Variants in ARHGAP24 observed in about 807,000 individuals in gnomAD.
The protein encoded by ARHGAP24 is Rho GTPase activating protein 24.
Under a neutral mutation model 76.4 loss-of-function variants are expected in ARHGAP24, and 50 were observed. That is an observed-to-expected ratio of 0.65 (90% CI 0.52 to 0.83). The LOEUF is 0.83. ARHGAP24 is among the 40% of genes least tolerant of loss of function. The pLI is 0.00. For synonymous variants in ARHGAP24, 345 were observed against 323.3 expected, an observed-to-expected ratio of 1.07 and a Z score of -0.72; for missense variants, 930 against 914.2, an observed-to-expected ratio of 1.02 and a Z score of -0.22.
chr4:85,818,084 C>T (rs182525384), intron 3 of ARHGAP24, among the ~76,000 whole-genome samples: 292 of 152,240 alleles, frequency 1.9e-3, no homozygotes, highest in Non-Finnish European at 3.6e-3. Context: ...CAAGAAGTTG[C>T]AACTTTGGCA....
At chr4:85,957,982 C>T (rs1738022188) in intron 5 of ARHGAP24, among the ~76,000 whole-genome samples, 1 of 152,174 alleles carries the variant, frequency 6.6e-6, no homozygotes, top group South Asian at 2.1e-4. Context: ...TGGCTCACTT[C>T]CACTGAAACC....
At chr4:85,834,920 T>A (rs1445474583) in intron 3 of ARHGAP24, among the ~76,000 whole-genome samples, 1 of 152,180 alleles carries the variant, frequency 6.6e-6, no homozygotes, top group Non-Finnish European at 1.5e-5. Flanking sequence ...TAAAGAATAC[T>A]GAGAGTATAA....
At chr4:85,830,888 C>T (rs1197382843) in intron 3 of ARHGAP24, among the ~76,000 whole-genome samples, 3 of 152,062 alleles carry the variant, frequency 2.0e-5, no homozygotes, top group Non-Finnish European at 4.4e-5. Context: ...CCGTTGGAAA[C>T]AGGGAGTATA....
intron 2 of ARHGAP24, among the ~76,000 whole-genome samples, chr4:85,660,361 G>T (rs1450131257): frequency 1.3e-5 from 2 of 152,046 alleles, no homozygotes; most frequent in Admixed American, 1.3e-4. Context: ...TTTAAAAGTA[G>T]CTTTAAAATG....
At chr4:85,724,263 G>A (rs1725071277) in intron 3 of ARHGAP24, among the ~76,000 whole-genome samples, 5 of 152,000 alleles carry the variant, frequency 3.3e-5, no homozygotes, top group Admixed American at 1.3e-4. Context: ...CTATCTTTAC[G>A]GATAGCTAAC....
chr4:85,977,180 G>A (rs759586184), intron 7 of ARHGAP24, among the ~76,000 whole-genome samples: 3 of 152,170 alleles, frequency 2.0e-5, no homozygotes, highest in Non-Finnish European at 2.9e-5. Context: ...TCTAAAGAAG[G>A]CATCCTACCA....
At chr4:85,904,471 A>G (rs1734668192) in intron 3 of ARHGAP24, among the ~76,000 whole-genome samples, 1 of 152,234 alleles carries the variant, frequency 6.6e-6, no homozygotes, top group Non-Finnish European at 1.5e-5. Flanking sequence ...ATTGCAATTC[A>G]GCATGTGATC....
intron 6 of ARHGAP24, among the ~76,000 whole-genome samples, chr4:85,974,647 A>G (rs537542236): frequency 2.0e-5 from 3 of 152,220 alleles, no homozygotes; most frequent in Non-Finnish European, 4.4e-5. Context: ...TAAAAATGAT[A>G]ACAGCTTCAC....
At chr4:85,950,084 A>C (rs1306757875) in intron 5 of ARHGAP24, among the ~76,000 whole-genome samples, 1 of 152,198 alleles carries the variant, frequency 6.6e-6, no homozygotes, top group Non-Finnish European at 1.5e-5. Context: ...GAATGACAAG[A>C]GGCCTGTTAC....
chr4:85,562,214 A>G (rs1354524666), intron 1 of ARHGAP24, among the ~76,000 whole-genome samples: 1 of 152,242 alleles, frequency 6.6e-6, no homozygotes, highest in African/African-American at 2.4e-5. Flanking sequence ...AATGCTATGG[A>G]AAGAATCCAT....
chr4:85,994,331 C>T (rs1279453816), intron 8 of ARHGAP24, among the ~76,000 whole-genome samples: 1 of 152,068 alleles, frequency 6.6e-6, no homozygotes, highest in Non-Finnish European at 1.5e-5. Context: ...GTGATAATAA[C>T]AGTATGTATG....
intron 3 of ARHGAP24, among the ~76,000 whole-genome samples, chr4:85,915,474 G>T (rs1443787596): frequency 6.6e-6 from 1 of 152,146 alleles, no homozygotes; most frequent in Admixed American, 6.5e-5. Flanking sequence ...GGAATGTGCA[G>T]GTTTGTTACA....
chr4:85,721,498 G>A (rs974214242), intron 2 of ARHGAP24, among the ~76,000 whole-genome samples: 2 of 152,018 alleles, frequency 1.3e-5, no homozygotes, highest in African/African-American at 2.4e-5. Context: ...CTATGTCTAA[G>A]TCTACCTTGT....
At chr4:85,641,622 C>G (rs1721525678) in intron 2 of ARHGAP24, among the ~76,000 whole-genome samples, 1 of 152,190 alleles carries the variant, frequency 6.6e-6, no homozygotes, top group African/African-American at 2.4e-5. Flanking sequence ...CTTGCAATAC[C>G]TCAATCCATT....
intron 2 of ARHGAP24, among the ~76,000 whole-genome samples, chr4:85,664,326 T>C (rs1722523600): frequency 6.6e-6 from 1 of 151,092 alleles, no homozygotes; most frequent in South Asian, 2.1e-4. Flanking sequence ...TCTCTGATGA[T>C]AGTTTGTATT....
intron 4 of ARHGAP24, among the ~76,000 whole-genome samples, chr4:85,932,242 A>G (rs1345376512): frequency 1.3e-5 from 2 of 149,782 alleles, no homozygotes; most frequent in East Asian, 2.0e-4. Flanking sequence ...GGATTGCATC[A>G]TTGGTAGAGA....
intron 3 of ARHGAP24, among the ~76,000 whole-genome samples, chr4:85,808,426 T>C (rs1728881064): frequency 6.6e-6 from 1 of 152,264 alleles, no homozygotes; most frequent in African/African-American, 2.4e-5. Flanking sequence ...TTACATCTTA[T>C]TCTTTTCAAT....
chr4:85,683,209 A>G (rs1023138644), intron 2 of ARHGAP24, among the ~76,000 whole-genome samples: 1 of 151,420 alleles, frequency 6.6e-6, no homozygotes, highest in Non-Finnish European at 1.5e-5. Context: ...TAAATATGAA[A>G]CATGGGGTTT....
intron 2 of ARHGAP24, among the ~76,000 whole-genome samples, chr4:85,625,708 G>C (rs1439574511): frequency 6.6e-6 from 1 of 152,192 alleles, no homozygotes; most frequent in Non-Finnish European, 1.5e-5. Flanking sequence ...GGGAGTCTAA[G>C]TCTCTTTGTA....
Sources: allele counts gnomAD v4.1 joint callset (sites outside exome capture counted in the v4.1 genomes callset), GRCh38; gene constraint gnomAD v4.1.1; transcripts MANE v1.5; gene names NCBI Gene and HGNC (gene_info 2026-07-23, HGNC 2026-07-21).